TSHZ2: variants seen among roughly 807,000 people sequenced by gnomAD.
TSHZ2 encodes teashirt homolog 2.
A neutral mutation model predicts 74.4 loss-of-function variants in TSHZ2; 21 were observed. The ratio of observed to expected loss-of-function variants is 0.28; its 90% CI spans 0.20 to 0.41. The LOEUF (loss-of-function observed/expected upper bound fraction) is 0.41, where lower values mean the gene tolerates loss of function less well. TSHZ2 is among the 10% of genes least tolerant of loss of function. The pLI is 1.00. For synonymous variants in TSHZ2, 540 were observed against 515.3 expected, an observed-to-expected ratio of 1.05 and a Z score of -0.65; for missense variants, 1,244 against 1,293.5, an observed-to-expected ratio of 0.96 and a Z score of 0.59.
At chr20:53,408,683 C>A (rs1982934458) in intron 2 of TSHZ2, among the ~76,000 whole-genome samples, 1 of 152,164 alleles carries the variant, frequency 6.6e-6, no homozygotes, top group Admixed American at 6.5e-5. Context: ...TAAGAGCTGG[C>A]CTTGTTTAAA....
At chr20:53,052,978 A>C (rs1001006061) in intron 1 of TSHZ2, among the ~76,000 whole-genome samples, 9 of 152,126 alleles carry the variant, frequency 5.9e-5, no homozygotes, top group Non-Finnish European at 1.2e-4. Context: ...GCGGTATCTA[A>C]TTTAGAACAT....
intron 2 of TSHZ2, among the ~76,000 whole-genome samples, chr20:53,436,539 A>ATTT (rs1368192791): frequency 1.5e-3 from 134 of 89,956 alleles, no homozygotes; most frequent in Middle Eastern, 6.3e-3. Context: ...TATTATTATT[A>ATTT]TTATTATTAT....
chr20:52,999,526 G>A (rs905443350), intron 1 of TSHZ2, among the ~76,000 whole-genome samples: 1 of 152,194 alleles, frequency 6.6e-6, no homozygotes, highest in Non-Finnish European at 1.5e-5. Context: ...CTGACTGACA[G>A]ATGGAATCCA....
intron 1 of TSHZ2, among the ~76,000 whole-genome samples, chr20:53,163,893 C>T (rs1988005954): frequency 6.6e-6 from 1 of 152,172 alleles, no homozygotes. Context: ...TAATATGTTA[C>T]ACAGCAATTG....
intron 1 of TSHZ2, chr20:53,185,565 A>T: frequency 1.3e-6 from 2 of 1,483,848 alleles, no homozygotes; most frequent in Non-Finnish European, 1.8e-6. Context: ...GGTTGCAGTG[A>T]GCTGAGATCA....
intron 2 of TSHZ2, among the ~76,000 whole-genome samples, chr20:53,326,342 A>G (rs575235810): frequency 6.6e-6 from 1 of 152,374 alleles, no homozygotes; most frequent in African/African-American, 2.4e-5. Flanking sequence ...AAGACAAGAC[A>G]GGGACTTCTA....
intron 1 of TSHZ2, among the ~76,000 whole-genome samples, chr20:53,217,986 CAG>C (rs2123632006): frequency 6.6e-6 from 1 of 152,294 alleles, no homozygotes; most frequent in East Asian, 1.9e-4. Flanking sequence ...CTGAACAATA[CAG>C]ACAAGTATTT....
intron 2 of TSHZ2, among the ~76,000 whole-genome samples, chr20:53,308,469 C>T (rs542536222): frequency 5.9e-5 from 9 of 151,946 alleles, no homozygotes; most frequent in Non-Finnish European, 8.8e-5. Context: ...CACGTGCAGC[C>T]GGAAAATAAG....
chr20:53,352,684 G>A (rs1321571683), intron 2 of TSHZ2, among the ~76,000 whole-genome samples: 1 of 151,204 alleles, frequency 6.6e-6, no homozygotes, highest in Non-Finnish European at 1.5e-5. Flanking sequence ...TGAGGCACAG[G>A]AATGGCTTGA....
chr20:53,312,412 TG>T (rs1413514651), intron 2 of TSHZ2, among the ~76,000 whole-genome samples: 5 of 152,214 alleles, frequency 3.3e-5, no homozygotes, highest in Non-Finnish European at 1.5e-5. Flanking sequence ...TGCAAAACCC[TG>T]AATGGCAGTG....
chr20:53,408,637 C>T (rs1982932808), intron 2 of TSHZ2, among the ~76,000 whole-genome samples: 1 of 152,174 alleles, frequency 6.6e-6, no homozygotes, highest in Admixed American at 6.5e-5. Context: ...AGGGGCCAAA[C>T]CGTTGGGCTC....
intron 1 of TSHZ2, among the ~76,000 whole-genome samples, chr20:52,994,138 T>C (rs1168755556): frequency 6.6e-6 from 1 of 152,240 alleles, no homozygotes; most frequent in Non-Finnish European, 1.5e-5. Flanking sequence ...TATTTATTAA[T>C]TTACATTGTT....
In TSHZ2 at chr20:53,185,540, G is replaced by A. The variant is rs1039350554; in HGVS notation, c.41-67959G>A. The stretch of plus-strand genomic sequence containing the variant: ...GAGGCAGGAGAATTCCTTGAACTGG[G>A]ACCCAGGAGGCAGAGGTTGCAGTGA... On this transcript the variant is annotated intron_variant, in intron 1 of 2. Transcript: ENST00000371497. 7.7e-6 allele frequency: 11 copies of A among 1,433,818 alleles called. No homozygotes were observed. The South Asian group carries it at 1.1e-4, about 15-fold the overall frequency. 88.8% of individuals were successfully genotyped at this position (1,433,818 alleles called of 1,614,324 possible). A position where few individuals can be genotyped will look rare whatever the true frequency, so the allele number is the denominator to read the frequency against.
At chr20:53,435,413 C>G (rs1457168227) in intron 2 of TSHZ2, among the ~76,000 whole-genome samples, 3 of 152,124 alleles carry the variant, frequency 2.0e-5, no homozygotes, top group African/African-American at 7.2e-5. Context: ...GTAATGAGCA[C>G]ATATTGCAGA....
rs200261743 is a variant in TSHZ2, at chr20:53,430,461, TAGAG to T, written c.*9-56677_*9-56674del. On this transcript the variant is annotated intron_variant, in intron 2 of 2. Transcript: ENST00000371497. ...AAAGAAAAATATTATATTAAAAAAATAGAGAGAGAATACAGGTGATAGTGCTGTG... is the reference window on the plus strand; with the variant it reads ...AAAGAAAAATATTATATTAAAAAAATAGAGAATACAGGTGATAGTGCTGTG... Among the ~76,000 whole-genome samples the T allele has an allele frequency of 3.3e-3, 508 of 151,796 alleles. 9 individuals are homozygous for T. Among genetic ancestry groups the T allele is most frequent in the Admixed American group, 0.019 (291 of 15,230 alleles).
intron 1 of TSHZ2, among the ~76,000 whole-genome samples, chr20:53,182,469 TG>T (rs1988504698): frequency 6.6e-6 from 1 of 152,216 alleles, no homozygotes; most frequent in African/African-American, 2.4e-5. Flanking sequence ...GGTAACGAGG[TG>T]GGCGGGGTTT....
At chr20:53,445,614 C>A (rs748475731) in intron 2 of TSHZ2, among the ~76,000 whole-genome samples, 1 of 152,140 alleles carries the variant, frequency 6.6e-6, no homozygotes, top group Non-Finnish European at 1.5e-5. Context: ...GTGGCCAATT[C>A]GAAGATGTCC....
chr20:53,256,620 T>G lies in TSHZ2; in HGVS notation c.*8+49T>G. ...GCGATTAGCCTGGTGAGGAGCTTTC[T>G]TACAGGGAGATGGGTCTGCTTAGAG... On this transcript the variant is annotated intron_variant, in intron 2 of 2. Transcript: ENST00000371497. The surrounding 1 kb of genome is among the most constrained non-coding windows in gnomAD (Gnocchi z 4.3). The G allele has an allele frequency of 6.6e-7, 1 of 1,517,916 alleles. No individual in the cohort carries two copies. Among genetic ancestry groups the G allele is most frequent in the Non-Finnish European group, 8.8e-7 (1 of 1,130,636 alleles). The allele number at this position is 1,517,916 out of a possible 1,614,324, so 94.0% of individuals were successfully genotyped here.
At chr20:53,349,588 G>T (rs1367404052) in intron 2 of TSHZ2, among the ~76,000 whole-genome samples, 3 of 148,952 alleles carry the variant, frequency 2.0e-5, no homozygotes, top group African/African-American at 7.5e-5. Context: ...GGAGGTAGAG[G>T]TTGCAGTGAG....
Sources: allele counts gnomAD v4.1 joint callset (sites outside exome capture counted in the v4.1 genomes callset), GRCh38; gene constraint gnomAD v4.1.1; non-coding constraint Gnocchi (gnomAD v3.1); transcripts MANE v1.5; gene names NCBI Gene and HGNC (gene_info 2026-07-23, HGNC 2026-07-21).